Variants in JAK2 observed in about 807,000 individuals in gnomAD.
JAK2 encodes Janus kinase 2.
Under a neutral mutation model 139.3 loss-of-function variants are expected in JAK2, and 86 were observed. That is an observed-to-expected ratio of 0.62 (90% CI 0.52 to 0.74). The LOEUF (loss-of-function observed/expected upper bound fraction) is 0.74. Among genes scored for constraint, JAK2 ranks in the 30% least tolerant of loss-of-function variants. The pLI is 0.00. For synonymous variants in JAK2, 490 were observed against 437.7 expected, an observed-to-expected ratio of 1.12 and a Z score of -1.49; for missense variants, 1,421 against 1,360.3, an observed-to-expected ratio of 1.04 and a Z score of -0.70.
rs139964957 is a variant in JAK2, at chr9:5,128,080, TTGTGTGTG to T, written c.*1323_*1330del. The T allele has an allele frequency of 0.045, 9,877 of 220,304 alleles. 31 individuals are homozygous for T. Among genetic ancestry groups the T allele is most frequent in the Middle Eastern group, 0.076 (56 of 740 alleles). The allele number at this position is 220,304 out of a possible 1,614,324, so 13.6% of individuals were successfully genotyped here. ...TAGCTAAAATAAAATATGGTGGGTT[TTGTGTGTG>T]TGTGTGTGTGTGTGTGTGTGTGTGT... On this transcript the variant is annotated 3_prime_UTR_variant, in exon 25 of 25. Transcript: ENST00000381652.
chr9:4,990,274 C>T (rs1820165895), intron 2 of JAK2, among the ~76,000 whole-genome samples: 1 of 152,138 alleles, frequency 6.6e-6, no homozygotes, highest in African/African-American at 2.4e-5. Flanking sequence ...TATTAGGACT[C>T]AGACCAGAGA....
In JAK2 at chr9:5,020,120, C is replaced by G. The variant is rs114289393; in HGVS notation, c.-25-1843C>G. ...AGCATGGCATGGGTTATGTCAGTAG[C>G]AGTGGTAGGAGAACCTCTGGCTGTC... On this transcript the variant is annotated intron_variant, in intron 2 of 24. Transcript: ENST00000381652. Among the ~76,000 whole-genome samples, 995 of 152,174 alleles carry G rather than the reference C, an allele frequency of 6.5e-3. 8 individuals are homozygous for G. The highest frequency in any genetic ancestry group is 0.022 in the African/African-American group (916 of 41,496).
At chr9:5,073,264 A>G (rs1425965876) in intron 13 of JAK2, among the ~76,000 whole-genome samples, 1 of 152,206 alleles carries the variant, frequency 6.6e-6, no homozygotes, top group Non-Finnish European at 1.5e-5. Context: ...TGTTAAAACT[A>G]TGCTAGTATC....
chr9:5,069,449 A>T (rs1483644548), intron 11 of JAK2, among the ~76,000 whole-genome samples: 3 of 152,156 alleles, frequency 2.0e-5, no homozygotes, highest in Admixed American at 2.0e-4. Context: ...GTGTGGTATG[A>T]TGTCATTTAT....
chr9:5,053,125 T>G (rs746925341), intron 6 of JAK2, among the ~76,000 whole-genome samples: 4 of 152,220 alleles, frequency 2.6e-5, no homozygotes, highest in Non-Finnish European at 4.4e-5. Flanking sequence ...CATGAAGAGT[T>G]CCAACTCTTT....
chr9:5,101,458 T>C (rs1374127670), intron 22 of JAK2, among the ~76,000 whole-genome samples: 1 of 152,240 alleles, frequency 6.6e-6, no homozygotes, highest in Non-Finnish European at 1.5e-5. Context: ...GGGCAGGGCA[T>C]AGCTGAAAAG....
At position 5,033,187 on chromosome 9, in the gene JAK2, G is replaced by A. The variant is rs573183285; in HGVS notation, c.350+3281G>A. On this transcript the variant is annotated intron_variant, in intron 4 of 24. Transcript: ENST00000381652. ...TGAATGAAATGAAGTGAGAAGAGAA[G>A]TTTAGAGAAAAAGGAATAAAAGGAA... Among the ~76,000 whole-genome samples the A allele has an allele frequency of 4.6e-4, 70 of 152,236 alleles. 1 individual carries two copies. Among genetic ancestry groups the A allele is most frequent in the African/African-American group, 1.6e-3 (68 of 41,546 alleles).
At chr9:5,033,761 A>T (rs912007676) in intron 4 of JAK2, among the ~76,000 whole-genome samples, 2 of 152,194 alleles carry the variant, frequency 1.3e-5, no homozygotes, top group African/African-American at 4.8e-5. Flanking sequence ...AGAAAGGAAC[A>T]ACTGGTACCA....
intron 3 of JAK2, among the ~76,000 whole-genome samples, chr9:5,023,648 A>G (rs1051967553): frequency 3.3e-5 from 5 of 152,056 alleles, no homozygotes; most frequent in African/African-American, 7.2e-5. Flanking sequence ...CTTCTTGCCA[A>G]TCCCGGCTGG....
At chr9:5,020,695 C>T (rs1218423516) in intron 2 of JAK2, among the ~76,000 whole-genome samples, 1 of 152,160 alleles carries the variant, frequency 6.6e-6, no homozygotes, top group Non-Finnish European at 1.5e-5. Context: ...GGTGGTAGAG[C>T]TTGTCCTCAG....
chr9:5,010,008 A>G (rs1004883625), intron 2 of JAK2, among the ~76,000 whole-genome samples: 2 of 152,184 alleles, frequency 1.3e-5, no homozygotes, highest in African/African-American at 4.8e-5. Flanking sequence ...CCAGGCTCAA[A>G]CGATCCTCTC....
At chr9:5,112,319 G>A in intron 22 of JAK2, 1 of 282,482 alleles carries the variant, frequency 3.5e-6, no homozygotes, top group Non-Finnish European at 6.8e-6. Context: ...CTAGCCAGGC[G>A]CCCTCCCCGA....
intron 2 of JAK2, among the ~76,000 whole-genome samples, chr9:4,994,402 C>T (rs999039907): frequency 1.3e-5 from 2 of 152,164 alleles, no homozygotes; most frequent in Non-Finnish European, 2.9e-5. Flanking sequence ...GCCCCACCCC[C>T]AGAGTTTGTT....
chr9:5,126,838 G>A lies in JAK2; in HGVS notation c.*47G>A, dbSNP rs1824032682. ...GACCAAAGTAGATTTACAGAACAAA[G>A]TTTTATATTTCACATTGCTGTGGAC... On this transcript the variant is annotated 3_prime_UTR_variant, in exon 25 of 25. Transcript: ENST00000381652. 8.5e-7 allele frequency: 1 copy of A among 1,169,992 alleles called. No individual in the cohort carries two copies. Among genetic ancestry groups the A allele is most frequent in the Admixed American group, 1.9e-5 (1 of 52,636 alleles). 72.5% of individuals were successfully genotyped at this position (1,169,992 alleles called of 1,614,324 possible).
intron 22 of JAK2, chr9:5,112,551 C>A: frequency 1.6e-6 from 1 of 609,544 alleles, no homozygotes. Context: ...AGCAGGTGGC[C>A]AATAACGCCA....
intron 2 of JAK2, among the ~76,000 whole-genome samples, chr9:4,993,728 C>G (rs1211112355): frequency 1.3e-5 from 2 of 152,154 alleles, no homozygotes; most frequent in African/African-American, 4.8e-5. Flanking sequence ...ACAAAGGGTC[C>G]TTATCTGTTC....
intron 22 of JAK2, chr9:5,112,030 G>T: frequency 2.5e-6 from 1 of 407,278 alleles, no homozygotes; most frequent in South Asian, 1.8e-5. Flanking sequence ...GGAGTCCCTG[G>T]TGCCTTATCA....
At chr9:4,993,669 G>A (rs1413297366) in intron 2 of JAK2, among the ~76,000 whole-genome samples, 4 of 152,134 alleles carry the variant, frequency 2.6e-5, no homozygotes, top group African/African-American at 9.7e-5. Context: ...CTCCTTGAGG[G>A]CTCTTAGGCT....
intron 2 of JAK2, among the ~76,000 whole-genome samples, chr9:5,006,209 C>T (rs1821292098): frequency 6.6e-6 from 1 of 152,136 alleles, no homozygotes. Flanking sequence ...AGGTCCTTCA[C>T]ATCCCTTGTA....
Sources: allele counts gnomAD v4.1 joint callset (sites outside exome capture counted in the v4.1 genomes callset), GRCh38; gene constraint gnomAD v4.1.1; transcripts MANE v1.5; gene names NCBI Gene and HGNC (gene_info 2026-07-23, HGNC 2026-07-21).